The following NAV3 variants were observed in gnomAD, a reference collection of about 807,000 sequenced individuals.
NAV3 encodes the protein pore membrane and/or filament interacting like protein 1.
In NAV3, 87 loss-of-function variants were observed where a neutral mutation model predicts 244.7. The observed-to-expected ratio is 0.36, with a 90% confidence interval of 0.30 to 0.42. The LOEUF is 0.42. Ranked by LOEUF, NAV3 falls within the 20% of genes least tolerant of loss-of-function variation. The pLI is 1.00. For synonymous variants in NAV3, 1,126 were observed against 1,042.2 expected, an observed-to-expected ratio of 1.08 and a Z score of -1.55; for missense variants, 2,663 against 2,893.3, an observed-to-expected ratio of 0.92 and a Z score of 1.83.
chr12:77,840,164 G>T (rs1397513731), intron 1 of NAV3, among the ~76,000 whole-genome samples: 1 of 152,182 alleles, frequency 6.6e-6, no homozygotes, highest in Non-Finnish European at 1.5e-5. Context: ...CATTTACCAG[G>T]CTATGAAATA....
chr12:77,774,433 G>T (rs1248508978), intron 2 of NAV3, among the ~76,000 whole-genome samples: 1 of 151,982 alleles, frequency 6.6e-6, no homozygotes, highest in Non-Finnish European at 1.5e-5. Flanking sequence ...GGCACTTCTC[G>T]GAGGACATTA....
chr12:77,887,016 C>T (rs986450045), intron 1 of NAV3, among the ~76,000 whole-genome samples: 7 of 152,018 alleles, frequency 4.6e-5, no homozygotes, highest in Non-Finnish European at 8.8e-5. Flanking sequence ...GAATTAGGTT[C>T]CAGGTATAAT....
At chr12:77,912,045 AGT>A (rs1886649569) in intron 1 of NAV3, among the ~76,000 whole-genome samples, 1 of 152,112 alleles carries the variant, frequency 6.6e-6, no homozygotes, top group Admixed American at 6.6e-5. Context: ...TACTGCATTG[AGT>A]TTATGGCAAG....
rs978943664 is a variant in NAV3 at position 77,773,350 on chromosome 12, T to C, written c.73-166969T>C. 1.3e-4 allele frequency among the ~76,000 whole-genome samples: 20 copies of C among 152,180 alleles called. No individual in the cohort carries two copies. In the East Asian group the frequency reaches 3.7e-3, roughly 28 times the overall value. ...CTAAAATCTCAAAAGAAAAGCAATA[T>C]CAACAATAACATCTTCCATTGGAAA... On this transcript the variant is annotated intron_variant, in intron 2 of 8. Coordinates refer to the NAV3 transcript ENST00000550042.
chr12:77,579,100 G>A (rs754404576), intron 2 of NAV3, among the ~76,000 whole-genome samples: 1 of 152,144 alleles, frequency 6.6e-6, no homozygotes, highest in African/African-American at 2.4e-5. Context: ...GTATGTGTAT[G>A]AATGTCTCTA....
chr12:78,003,624 A>G (rs1873706084), intron 7 of NAV3, among the ~76,000 whole-genome samples: 1 of 152,224 alleles, frequency 6.6e-6, no homozygotes, highest in South Asian at 2.1e-4. Context: ...TGCTAACTCT[A>G]CAGCTAACTG....
intron 2 of NAV3, among the ~76,000 whole-genome samples, chr12:77,788,474 G>A (rs1208058229): frequency 1.3e-5 from 2 of 152,038 alleles, no homozygotes; most frequent in African/African-American, 4.8e-5. Flanking sequence ...GCACTCCTGT[G>A]GCCTCATCCA....
chr12:77,994,690 T>G, intron 5 of NAV3, 113 bp from the exon 6 acceptor site: 5 of 752,688 alleles, frequency 6.6e-6, no homozygotes, highest in African/African-American at 1.8e-5. Context: ...TTATACATGT[T>G]TATACGTGTT....
chr12:77,686,431 T>C (rs1179183703), intron 2 of NAV3, among the ~76,000 whole-genome samples: 101 of 141,092 alleles, frequency 7.2e-4, no homozygotes, highest in Non-Finnish European at 9.7e-4. Context: ...TTTCTTTTTT[T>C]TTTTTTTTTT....
At chr12:77,932,659 A>G (rs570790754) in intron 1 of NAV3, among the ~76,000 whole-genome samples, 1 of 152,192 alleles carries the variant, frequency 6.6e-6, no homozygotes, top group Non-Finnish European at 1.5e-5. Context: ...ACTTGACTCT[A>G]AACTCCATAG....
intron 3 of NAV3, 46 bp downstream of exon 3, chr12:77,941,179 C>G: frequency 8.7e-7 from 1 of 1,149,120 alleles, no homozygotes; most frequent in Middle Eastern, 2.1e-4. Flanking sequence ...ATCTTCACTT[C>G]CAGAATTAAT....
intron 5 of NAV3, among the ~76,000 whole-genome samples, chr12:77,977,265 A>G (rs1868616597): frequency 1.3e-5 from 2 of 152,134 alleles, no homozygotes; most frequent in African/African-American, 2.4e-5. Flanking sequence ...AAAGAGAATG[A>G]GAGGGAGGAA....
intron 22 of NAV3, among the ~76,000 whole-genome samples, chr12:78,152,001 A>G (rs1418474373): frequency 2.0e-5 from 3 of 151,650 alleles, no homozygotes; most frequent in African/African-American, 7.3e-5. Flanking sequence ...GTTTCAAACT[A>G]AAATATAAAT....
In NAV3 at chr12:78,119,484, T is replaced by C. The variant is rs574298922; in HGVS notation, c.3288T>C (p.Ile1096=). The C allele has an allele frequency of 1.2e-4, 197 of 1,614,102 alleles. 2 individuals carry two copies. In the South Asian group the frequency reaches 1.9e-3, roughly 15 times the overall value. ...GTGGCTCTGCAACACTGGGTAAAAT[T>C]CCAAAATCTGCTGCCATTGGCGGGA... is the stretch of plus-strand genomic sequence containing the variant. The part of the protein sequence containing the change: ...ITSGSATLGK[I]PKSAAIGGKS... Residue 1096 remains isoleucine (I), a synonymous_variant, in exon 15 of 40, where the codon ATT becomes ATC. Transcript: ENST00000397909.
intron 1 of NAV3, among the ~76,000 whole-genome samples, chr12:77,856,063 G>A (rs1338130374): frequency 6.6e-6 from 1 of 152,138 alleles, no homozygotes; most frequent in Non-Finnish European, 1.5e-5. Flanking sequence ...AGGCTGTAGA[G>A]TATTATTATC....
intron 2 of NAV3, among the ~76,000 whole-genome samples, chr12:77,791,350 A>G (rs2139717): frequency 0.97 from 143,193 of 147,238 alleles, 69,777 homozygotes; most frequent in East Asian, 1. Context: ...GCAAAACTCC[A>G]TCTCAAAAAA....
intron 2 of NAV3, among the ~76,000 whole-genome samples, chr12:77,715,794 A>T (rs931403867): frequency 6.6e-6 from 1 of 151,920 alleles, no homozygotes; most frequent in African/African-American, 2.4e-5. Context: ...TTTTCTGCAC[A>T]CTGTGCTATT....
chr12:77,922,209 T>C (rs1887776593), intron 1 of NAV3, among the ~76,000 whole-genome samples: 1 of 152,162 alleles, frequency 6.6e-6, no homozygotes, highest in Admixed American at 6.6e-5. Flanking sequence ...TACCTTGGTA[T>C]GGTTCCCTGC....
intron 1 of NAV3, among the ~76,000 whole-genome samples, chr12:77,864,117 C>A (rs1219066770): frequency 1.3e-5 from 2 of 151,890 alleles, no homozygotes; most frequent in African/African-American, 2.4e-5. Context: ...ATCCTGTGAT[C>A]AGGACACCCC....
Sources: allele counts gnomAD v4.1 joint callset (sites outside exome capture counted in the v4.1 genomes callset), GRCh38; gene constraint gnomAD v4.1.1; transcripts MANE v1.5; gene names NCBI Gene and HGNC (gene_info 2026-07-23, HGNC 2026-07-21).